LARGE1: variants seen among roughly 807,000 people sequenced by gnomAD.
LARGE1 encodes xylosyl- and glucuronyltransferase LARGE1.
LARGE1 carries 43 observed loss-of-function variants against 87.6 expected under a neutral mutation model. The observed-to-expected ratio is 0.49, with a 90% CI of 0.38 to 0.63. The LOEUF is 0.63. Ranked by LOEUF, LARGE1 falls within the 30% of genes least tolerant of loss-of-function variation. The probability of loss-of-function intolerance (pLI) is 0.00; values close to 1 mark genes in which losing one functional copy is unlikely to be tolerated. For synonymous variants in LARGE1, 434 were observed against 394.6 expected (o/e 1.10, Z -1.18); for missense variants, 802 against 1,000.2 (o/e 0.80, Z 2.67).
chr22:33,103,462 G>C, the LARGE1 span, among the ~76,000 whole-genome samples: 5 of 121,606 alleles, frequency 4.1e-5, no homozygotes, highest in Non-Finnish European at 9.3e-5. Context: ...AAAAAAAAAG[G>C]GAGGTCATTC....
intron 7 of LARGE1, among the ~76,000 whole-genome samples, chr22:33,405,985 T>C (rs781269976): frequency 1.5e-3 from 222 of 152,298 alleles, no homozygotes; most frequent in Middle Eastern, 3.4e-3. Context: ...GCATTGCCAT[T>C]TCCATTAACA....
At chr22:33,115,758 A>G in the LARGE1 span, among the ~76,000 whole-genome samples, 1 of 146,978 alleles carries the variant, frequency 6.8e-6, no homozygotes, top group Non-Finnish European at 1.5e-5. Context: ...CGGCGGTTGC[A>G]GTGAGCCAAC....
At chr22:33,702,623 A>C (rs769063887) in intron 2 of LARGE1, among the ~76,000 whole-genome samples, 1 of 152,160 alleles carries the variant, frequency 6.6e-6, no homozygotes, top group African/African-American at 2.4e-5. Flanking sequence ...GCCAACAAGG[A>C]AGGCTACGTG....
chr22:33,187,728 C>T (rs919060110), intron 11 of LARGE1, among the ~76,000 whole-genome samples: 2 of 151,640 alleles, frequency 1.3e-5, no homozygotes, highest in Non-Finnish European at 2.9e-5. Context: ...ACCATCCTGG[C>T]TAACACAGTG....
the LARGE1 span, among the ~76,000 whole-genome samples, chr22:33,116,754 C>A: frequency 6.6e-6 from 1 of 152,154 alleles, no homozygotes; most frequent in East Asian, 1.9e-4. Flanking sequence ...TGATTTTTAG[C>A]ACGCTGTGAG....
chr22:33,862,366 T>C (rs1342642462), intron 1 of LARGE1, among the ~76,000 whole-genome samples: 2 of 152,222 alleles, frequency 1.3e-5, no homozygotes, highest in Non-Finnish European at 1.5e-5. Context: ...CAGGGAAGCC[T>C]TCCTGGGGGA....
At chr22:33,723,607 C>T (rs1017084804) in intron 2 of LARGE1, among the ~76,000 whole-genome samples, 23 of 152,126 alleles carry the variant, frequency 1.5e-4, no homozygotes, top group African/African-American at 5.6e-4. Context: ...GGAAAAGGGA[C>T]ATGGAATTTG....
chr22:33,570,592 G>A (rs1300687408), intron 5 of LARGE1, among the ~76,000 whole-genome samples: 1 of 146,164 alleles, frequency 6.8e-6, no homozygotes, highest in Non-Finnish European at 1.5e-5. Context: ...AGGTTGCAGT[G>A]AGCCAAGGTA....
the LARGE1 span, among the ~76,000 whole-genome samples, chr22:33,144,712 G>A: frequency 1.3e-5 from 2 of 151,960 alleles, no homozygotes; most frequent in African/African-American, 4.8e-5. Context: ...TTCAGTGTTT[G>A]GTATTAATTC....
At chr22:33,481,446 T>C (rs139827319) in intron 6 of LARGE1, among the ~76,000 whole-genome samples, 77 of 152,306 alleles carry the variant, frequency 5.1e-4, no homozygotes, top group Non-Finnish European at 8.1e-4. Flanking sequence ...CATATCGAAA[T>C]ACTGATCCAT....
At chr22:33,373,590 G>T (rs1412618730) in intron 9 of LARGE1, among the ~76,000 whole-genome samples, 1 of 152,078 alleles carries the variant, frequency 6.6e-6, no homozygotes, top group Non-Finnish European at 1.5e-5. Context: ...CCCTTGAGAA[G>T]GCCTGGGATA....
the LARGE1 span, among the ~76,000 whole-genome samples, chr22:33,070,432 A>AGGT: frequency 4.6e-5 from 7 of 152,114 alleles, no homozygotes; most frequent in African/African-American, 1.7e-4. Flanking sequence ...GGGTTAGAGA[A>AGGT]GGTGGTGGTG....
At position 33,274,408 on chromosome 22, in the gene LARGE1, A is replaced by G. The variant is rs765298714; in HGVS notation, c.*19T>C. On this transcript the variant is annotated 3_prime_UTR_variant, in exon 15 of 15. Coordinates refer to ENST00000397394, the MANE Select transcript of LARGE1 (RefSeq NM_133642.5). ...CTTCCCCTACAGCATGTCTCCCCCTAGTGGTGGGCTTCTTGGTGCTAGCTG... is the reference window on the plus strand; with the variant it reads ...CTTCCCCTACAGCATGTCTCCCCCTGGTGGTGGGCTTCTTGGTGCTAGCTG... The G allele has an allele frequency of 1.5e-5, 24 of 1,612,424 alleles. No homozygotes were observed. Among genetic ancestry groups the G allele is most frequent in the Non-Finnish European group, 8.5e-7 (1 of 1,178,612 alleles).
the LARGE1 span, among the ~76,000 whole-genome samples, chr22:33,079,652 C>T: frequency 2.6e-5 from 4 of 152,256 alleles, no homozygotes; most frequent in East Asian, 1.9e-4. Context: ...TCAAGTGTCT[C>T]TAAGCTTTTC....
chr22:33,090,230 T>TA, the LARGE1 span, among the ~76,000 whole-genome samples: 34 of 152,160 alleles, frequency 2.2e-4, no homozygotes, highest in African/African-American at 8.2e-4. Context: ...AAATAAATAA[T>TA]AAAATAGAAA....
In LARGE1 at chr22:33,700,418, G is replaced by A. The variant is rs117119591; in HGVS notation, c.107-49750C>T. Among the ~76,000 whole-genome samples the A allele has an allele frequency of 8.1e-3, 1,231 of 152,304 alleles. 14 individuals carry two copies. Among genetic ancestry groups the A allele is most frequent in the Non-Finnish European group, 0.012 (840 of 68,030 alleles). ...TTAATTGTGTACCAGGCACTATGCGGAAGGCTGAATGCTGCCTCACAATCC... is the reference window on the plus strand; with the variant it reads ...TTAATTGTGTACCAGGCACTATGCGAAAGGCTGAATGCTGCCTCACAATCC... On this transcript the variant is annotated intron_variant, in intron 2 of 14. Coordinates refer to ENST00000397394, the MANE Select transcript of LARGE1 (RefSeq NM_133642.5).
chr22:33,079,313 C>A, the LARGE1 span, among the ~76,000 whole-genome samples: 1 of 150,048 alleles, frequency 6.7e-6, no homozygotes, highest in African/African-American at 2.5e-5. Flanking sequence ...CTGCAAGCTC[C>A]GCCTCCTGGG....
At chr22:33,837,519 A>G (rs987494947) in intron 1 of LARGE1, among the ~76,000 whole-genome samples, 5 of 152,230 alleles carry the variant, frequency 3.3e-5, no homozygotes, top group African/African-American at 9.6e-5. Context: ...TGTGAGAGAC[A>G]AACGTAACCA....
rs145374200 is a variant in LARGE1 at position 33,852,879 on chromosome 22, AGAAAG to A, written c.-83+67111_-83+67115del. 4.9e-3 allele frequency among the ~76,000 whole-genome samples: 226 copies of A among 46,148 alleles called. 5 individuals carry two copies. Among genetic ancestry groups the A allele is most frequent in the Middle Eastern group, 0.02 (1 of 50 alleles). 30.3% of individuals were successfully genotyped at this position (46,148 alleles called of 152,430 possible). A position where few individuals can be genotyped will look rare whatever the true frequency, so the allele number is the denominator to read the frequency against. On this transcript the variant is annotated intron_variant, in intron 1 of 14. Transcript: ENST00000397394. ...TCCAAAAAAAAAAAAAAAAAAAAAA[AGAAAG>A]AAAGAAAGAAAGAAAAGTGATAAGT...
Sources: allele counts gnomAD v4.1 joint callset (sites outside exome capture counted in the v4.1 genomes callset), GRCh38; gene constraint gnomAD v4.1.1; transcripts MANE v1.5; gene names NCBI Gene and HGNC (gene_info 2026-07-23, HGNC 2026-07-21).